RRP1B: variants seen among roughly 807,000 people sequenced by gnomAD.
RRP1B encodes ribosomal RNA processing protein 1 homolog B.
A neutral mutation model predicts 80.2 loss-of-function variants in RRP1B; 56 were observed. The observed-to-expected ratio is 0.70, with a 90% CI of 0.56 to 0.87. The LOEUF is 0.87. Among genes scored for constraint, RRP1B ranks in the 40% least tolerant of loss-of-function variants. The pLI is 0.00. For missense variants in RRP1B, 807 were observed against 939.8 expected, an observed-to-expected ratio of 0.86 and a Z score of 1.85; for synonymous variants, 351 against 357.6, an observed-to-expected ratio of 0.98 and a Z score of 0.21.
intron 1 of RRP1B, among the ~76,000 whole-genome samples, chr21:43,661,770 C>T (rs1393413949): frequency 3.3e-5 from 5 of 152,188 alleles, no homozygotes; most frequent in African/African-American, 7.2e-5. Context: ...TGCCTAAGCC[C>T]CGTGTAACTG....
chr21:43,674,714 A>G lies in RRP1B; in HGVS notation c.419+17A>G. On this transcript the variant is annotated intron_variant, in intron 5 of 15. Coordinates refer to ENST00000340648, the MANE Select transcript of RRP1B (RefSeq NM_015056.3). ...GGAAGAAAGGTCAGTAAACCATTTGAGTTAGCATGTGGTAGCCTTAAAACT... is the reference window on the plus strand; with the variant it reads ...GGAAGAAAGGTCAGTAAACCATTTGGGTTAGCATGTGGTAGCCTTAAAACT... 2 of 1,581,998 alleles carry G rather than the reference A, an allele frequency of 1.3e-6. No individual in the cohort carries two copies. Among genetic ancestry groups the G allele is most frequent in the Non-Finnish European group, 1.7e-6 (2 of 1,166,350 alleles).
At chr21:43,690,668 T>C (rs2083082737) in intron 14 of RRP1B, among the ~76,000 whole-genome samples, 1 of 152,140 alleles carries the variant, frequency 6.6e-6, no homozygotes, top group African/African-American at 2.4e-5. Context: ...GATCCACACA[T>C]TCTGCCTCCC....
chr21:43,683,858 A>G (rs909375928), intron 9 of RRP1B, among the ~76,000 whole-genome samples: 1 of 151,594 alleles, frequency 6.6e-6, no homozygotes, highest in African/African-American at 2.4e-5. Context: ...GCACGCCTGT[A>G]ATCCCAGCTA....
At chr21:43,666,869 AC>A (rs1473229516) in intron 1 of RRP1B, among the ~76,000 whole-genome samples, 1 of 146,852 alleles carries the variant, frequency 6.8e-6, no homozygotes, top group Non-Finnish European at 1.5e-5. Flanking sequence ...AACAGTTCTT[AC>A]CCATCTTTTT....
At chr21:43,686,563 G>A (rs1288072708) in intron 11 of RRP1B, 6 of 426,454 alleles carry the variant, frequency 1.4e-5, no homozygotes, top group Non-Finnish European at 2.6e-5. Flanking sequence ...CCAAGCGTCC[G>A]GGGTCCAGCC....
chr21:43,679,323 C>CAAT (rs1472747552), intron 8 of RRP1B, among the ~76,000 whole-genome samples: 1 of 151,226 alleles, frequency 6.6e-6, no homozygotes, highest in Non-Finnish European at 1.5e-5. Flanking sequence ...GGCTGGAGTG[C>CAAT]AATAGTGCGA....
chr21:43,674,274 G>A (rs956912391), intron 4 of RRP1B, among the ~76,000 whole-genome samples: 2 of 152,012 alleles, frequency 1.3e-5, no homozygotes, highest in African/African-American at 2.4e-5. Flanking sequence ...CTCATGCCTC[G>A]GCCTCCTGAG....
At chr21:43,671,037 A>T (rs1350342119) in intron 2 of RRP1B, among the ~76,000 whole-genome samples, 1 of 152,218 alleles carries the variant, frequency 6.6e-6, no homozygotes, top group African/African-American at 2.4e-5. Context: ...AATGGACAGA[A>T]ATCTCATTTT....
rs1031750865 is a variant in RRP1B, at chr21:43,691,288, G to A, written c.2020-151G>A. 6 of 634,156 alleles carry A rather than the reference G, an allele frequency of 9.5e-6. No individual in the cohort carries two copies. The highest frequency in any genetic ancestry group is 2.9e-4 in the Middle Eastern group (1 of 3,412). 39.3% of individuals were successfully genotyped at this position (634,156 alleles called of 1,614,324 possible). On this transcript the variant is annotated intron_variant, in intron 14 of 15. Coordinates refer to ENST00000340648, the MANE Select transcript of RRP1B (RefSeq NM_015056.3). This position sits in a 1 kb window ranked among gnomAD's most constrained non-coding sequence, Gnocchi z 4.2. ...AGGAGGGTCGGTTTCAGTCTTGGCC[G>A]CAGTCCCTTTGGCCTCTCCCTATAT...
intron 1 of RRP1B, among the ~76,000 whole-genome samples, chr21:43,662,400 G>A (rs2082961242): frequency 6.6e-6 from 1 of 152,126 alleles, no homozygotes; most frequent in Non-Finnish European, 1.5e-5. Context: ...AGTGATAATG[G>A]GACAAGAAAA....
chr21:43,690,401 G>A lies in RRP1B; in HGVS notation c.1980G>A (p.Lys660=). 1 of 1,614,190 alleles carries A rather than the reference G, an allele frequency of 6.2e-7. No individual in the cohort carries two copies. The highest frequency in any genetic ancestry group is 8.5e-7 in the Non-Finnish European group (1 of 1,180,010). ...AGCCCCTGTTCTTCAGAAGAGCCAA[G>A]AGCAGCACTGCCACCCACCCTCCAG... ...LPKPLFFRRA[K]SSTATHPPGP... is the part of the protein sequence containing the mutation. Residue 660 remains lysine (K), a synonymous_variant, in exon 14 of 16, where the codon AAG becomes AAA. Transcript: ENST00000340648.
rs540798263 is a variant in RRP1B at position 43,661,515 on chromosome 21, C to T, written c.130+1721C>T. Among the ~76,000 whole-genome samples, 147 of 152,196 alleles carry T rather than the reference C, an allele frequency of 9.7e-4. 2 individuals are homozygous for T. Among genetic ancestry groups the T allele is most frequent in the African/African-American group, 3.3e-3 (139 of 41,528 alleles). ...CCTGGCCCACATCCAGTGGGAGGAC[C>T]CCCGTCCTCCCTCGTTCACCTCCTG... On this transcript the variant is annotated intron_variant, in intron 1 of 15. Coordinates refer to ENST00000340648, the MANE Select transcript of RRP1B (RefSeq NM_015056.3).
chr21:43,674,130 A>G (rs1568956519), intron 4 of RRP1B, among the ~76,000 whole-genome samples, 175 bp downstream of exon 4: 1 of 152,178 alleles, frequency 6.6e-6, no homozygotes, highest in East Asian at 1.9e-4. Context: ...GTTCTTAAGG[A>G]TGAGTTTGGG....
intron 13 of RRP1B, among the ~76,000 whole-genome samples, chr21:43,689,050 C>T (rs1277355129): frequency 6.6e-6 from 1 of 152,270 alleles, no homozygotes; most frequent in African/African-American, 2.4e-5. Flanking sequence ...TGCGGGATTA[C>T]AGGCGAGAGC....
At chr21:43,681,357 AT>A (rs1403699923) in intron 8 of RRP1B, among the ~76,000 whole-genome samples, 2,015 of 141,552 alleles carry the variant, frequency 0.014, 34 homozygotes, top group African/African-American at 0.044. Flanking sequence ...ACGGGAAGTA[AT>A]TTTTTTTTTT....
intron 3 of RRP1B, among the ~76,000 whole-genome samples, chr21:43,672,896 A>G (rs2147165524): frequency 6.6e-6 from 1 of 152,338 alleles, no homozygotes; most frequent in East Asian, 1.9e-4. Flanking sequence ...AACCACCCCC[A>G]GTGGTGCTCT....
chr21:43,663,901 TG>T (rs1456291952), intron 1 of RRP1B, among the ~76,000 whole-genome samples: 1 of 152,192 alleles, frequency 6.6e-6, no homozygotes, highest in Non-Finnish European at 1.5e-5. Flanking sequence ...TATATTGTAT[TG>T]TTGTAAAAAC....
At position 43,694,695 on chromosome 21, in the gene RRP1B, C is replaced by T. The variant is rs560657923; in HGVS notation, c.*1312C>T. 2 of 152,364 alleles carry T rather than the reference C, an allele frequency of 1.3e-5. No homozygotes were observed. The highest frequency in any genetic ancestry group is 2.4e-5 in the African/African-American group (1 of 41,484). The allele number at this position is 152,364 out of a possible 1,614,324, so 9.4% of individuals were successfully genotyped here. A position where few individuals can be genotyped will look rare whatever the true frequency, so the allele number is the denominator to read the frequency against. ...CCTCCTTCCCGTTATGCCCCCCATACAGGAGCCTCGGTTTTTCAGCAAAAC... is the reference window on the plus strand; with the variant it reads ...CCTCCTTCCCGTTATGCCCCCCATATAGGAGCCTCGGTTTTTCAGCAAAAC... On this transcript the variant is annotated 3_prime_UTR_variant, in exon 16 of 16. Coordinates refer to ENST00000340648, the MANE Select transcript of RRP1B (RefSeq NM_015056.3).
At position 43,693,417 on chromosome 21, in the gene RRP1B, TG is replaced by T; in HGVS notation, c.*35del. ...AGAGTCCCTTGTAAAAGACTGCTTT[TG>T]TACAGAATGCGCTATAAATTATACC... On this transcript the variant is annotated 3_prime_UTR_variant, in exon 16 of 16. Transcript: ENST00000340648. The surrounding 1 kb of genome is among the most constrained non-coding windows in gnomAD (Gnocchi z 4.1). 6.7e-7 allele frequency: 1 copy of T among 1,484,838 alleles called. No homozygotes were observed. The highest frequency in any genetic ancestry group is 9.0e-7 in the Non-Finnish European group (1 of 1,111,754). The allele number at this position is 1,484,838 out of a possible 1,614,324, so 92.0% of individuals were successfully genotyped here. A position where few individuals can be genotyped will look rare whatever the true frequency, so the allele number is the denominator to read the frequency against.
Sources: gnomAD v4.1 joint callset for allele counts (sites outside exome capture counted in the v4.1 genomes callset) on GRCh38, gnomAD v4.1.1 for gene constraint, Gnocchi (gnomAD v3.1) non-coding constraint, MANE v1.5 for transcripts, NCBI Gene and HGNC (gene_info 2026-07-23, HGNC 2026-07-21) for gene names.